Variants in SGCZ observed in about 807,000 individuals in gnomAD.
SGCZ encodes sarcoglycan zeta.
Under a neutral mutation model 41.3 loss-of-function variants are expected in SGCZ, and 40 were observed. That is an observed-to-expected ratio of 0.97 (90% confidence interval 0.75 to 1.26). SGCZ has a LOEUF of 1.26. SGCZ is among the 50% of genes most tolerant of loss of function. SGCZ has a pLI of 0.00. For synonymous variants in SGCZ, 206 were observed against 137.5 expected, an observed-to-expected ratio of 1.50 and a Z score of -3.49; for missense variants, 552 against 369.8, an observed-to-expected ratio of 1.49 and a Z score of -4.04.
At chr8:15,222,609 C>T (rs754726686) in intron 1 of SGCZ, among the ~76,000 whole-genome samples, 3 of 152,176 alleles carry the variant, frequency 2.0e-5, no homozygotes, top group Non-Finnish European at 4.4e-5. Flanking sequence ...TTAGCACCTT[C>T]ATTTTGCATT....
intron 2 of SGCZ, among the ~76,000 whole-genome samples, chr8:14,464,778 C>G (rs1055112535): frequency 4.6e-5 from 7 of 151,276 alleles, no homozygotes; most frequent in Non-Finnish European, 1.0e-4. Flanking sequence ...TTAAGTTTTG[C>G]TATATTTCTA....
chr8:14,290,479 C>G (rs11203592), intron 3 of SGCZ, among the ~76,000 whole-genome samples: 32,437 of 151,952 alleles, frequency 0.21, 3,661 homozygotes, highest in East Asian at 0.29. Context: ...GAAACTCAAA[C>G]AACTCAATAA....
intron 1 of SGCZ, among the ~76,000 whole-genome samples, chr8:14,762,532 G>A (rs964072410): frequency 9.2e-5 from 14 of 152,202 alleles, no homozygotes; most frequent in East Asian, 3.9e-4. Flanking sequence ...GAATGAATAG[G>A]GAGGTTTATT....
At chr8:14,340,764 C>G (rs948697377) in intron 2 of SGCZ, among the ~76,000 whole-genome samples, 2 of 152,014 alleles carry the variant, frequency 1.3e-5, no homozygotes, top group Non-Finnish European at 2.9e-5. Context: ...AGGTAACATG[C>G]TTTTTTATTG....
At chr8:14,494,515 A>T (rs1801933874) in intron 2 of SGCZ, among the ~76,000 whole-genome samples, 1 of 152,134 alleles carries the variant, frequency 6.6e-6, no homozygotes, top group South Asian at 2.1e-4. Context: ...ACATACACAC[A>T]TGCACACACA....
intron 2 of SGCZ, among the ~76,000 whole-genome samples, chr8:14,376,730 GA>G (rs1415463235): frequency 6.6e-6 from 1 of 152,000 alleles, no homozygotes; most frequent in Non-Finnish European, 1.5e-5. Context: ...CATAAAAGAA[GA>G]AAATTACCAA....
At chr8:14,668,936 ATGTGTG>A (rs10585789) in intron 1 of SGCZ, among the ~76,000 whole-genome samples, 1 of 151,030 alleles carries the variant, frequency 6.6e-6, no homozygotes, top group African/African-American at 2.4e-5. Flanking sequence ...GTGTGTGTGT[ATGTGTG>A]TGTGTGTTTG....
chr8:15,023,356 A>G (rs1260054992), intron 1 of SGCZ, among the ~76,000 whole-genome samples: 11 of 152,140 alleles, frequency 7.2e-5, no homozygotes, highest in Admixed American at 7.2e-4. Context: ...CAAGCAGGTG[A>G]AATGTGATGC....
intron 2 of SGCZ, among the ~76,000 whole-genome samples, chr8:14,550,776 TA>T (rs1268000343): frequency 6.6e-6 from 1 of 151,990 alleles, no homozygotes; most frequent in Non-Finnish European, 1.5e-5. Context: ...CATATTGCCA[TA>T]AAAAATTACC....
intron 2 of SGCZ, among the ~76,000 whole-genome samples, chr8:14,347,726 T>C (rs1688961773): frequency 6.6e-6 from 1 of 152,030 alleles, no homozygotes; most frequent in Admixed American, 6.6e-5. Context: ...TTACCATATG[T>C]CACGTATGTA....
intron 1 of SGCZ, among the ~76,000 whole-genome samples, chr8:14,592,824 T>C (rs757156102): frequency 1.3e-5 from 2 of 152,144 alleles, no homozygotes; most frequent in Non-Finnish European, 2.9e-5. Flanking sequence ...CTCTTAGCAG[T>C]GTTCAGAGTT....
chr8:14,866,780 G>C (rs551949165), intron 1 of SGCZ, among the ~76,000 whole-genome samples: 1 of 151,888 alleles, frequency 6.6e-6, no homozygotes, highest in Non-Finnish European at 1.5e-5. Context: ...GAAAACACAC[G>C]GAGACCCTGT....
chr8:14,992,097 A>G (rs1425070265), intron 1 of SGCZ, among the ~76,000 whole-genome samples: 2 of 147,208 alleles, frequency 1.4e-5, no homozygotes, highest in Non-Finnish European at 1.5e-5. Flanking sequence ...TCCTCATCCA[A>G]TCTACTCCCA....
At chr8:15,190,570 C>A (rs1428228157) in intron 1 of SGCZ, among the ~76,000 whole-genome samples, 7 of 152,030 alleles carry the variant, frequency 4.6e-5, no homozygotes, top group Admixed American at 1.3e-4. Context: ...AGTCAGAGTT[C>A]TTTCAGCACG....
intron 1 of SGCZ, among the ~76,000 whole-genome samples, chr8:15,201,559 G>T (rs1363032024): frequency 6.6e-6 from 1 of 152,194 alleles, no homozygotes. Context: ...TGCTGTCACT[G>T]TTGGAACCAT....
chr8:14,488,084 G>T (rs1179358514), intron 2 of SGCZ, among the ~76,000 whole-genome samples: 1 of 152,248 alleles, frequency 6.6e-6, no homozygotes, highest in African/African-American at 2.4e-5. Context: ...GACTTTTGGT[G>T]GCTTCTCCAG....
In SGCZ at chr8:15,181,236, G is replaced by C. The variant is rs116074363; in HGVS notation, c.39+56349C>G. ...AAGTGAAAATATTAACTTGAAAATA[G>C]TTTTTTATACAAATTAGAATAAAGA... On this transcript the variant is annotated intron_variant, in intron 1 of 7. Coordinates refer to ENST00000382080, the MANE Select transcript of SGCZ (RefSeq NM_139167.4). Among the ~76,000 whole-genome samples, 1,305 of 152,134 alleles carry C rather than the reference G, an allele frequency of 8.6e-3. 20 individuals carry two copies. The highest frequency in any genetic ancestry group is 0.03 in the African/African-American group (1,253 of 41,496).
At chr8:14,824,150 T>C (rs1802209805) in intron 1 of SGCZ, among the ~76,000 whole-genome samples, 1 of 151,964 alleles carries the variant, frequency 6.6e-6, no homozygotes, top group Non-Finnish European at 1.5e-5. Flanking sequence ...GACTTACAAA[T>C]GGGTTGAAGG....
chr8:14,933,430 T>TC (rs1554524100), intron 1 of SGCZ, among the ~76,000 whole-genome samples: 1 of 99,960 alleles, frequency 1.0e-5, no homozygotes, highest in East Asian at 2.9e-4. Context: ...ACTTTTTTTT[T>TC]CTTTTTTTTT....
Sources: gnomAD v4.1 joint callset for allele counts (sites outside exome capture counted in the v4.1 genomes callset) on GRCh38, gnomAD v4.1.1 for gene constraint, MANE v1.5 for transcripts, NCBI Gene and HGNC (gene_info 2026-07-23, HGNC 2026-07-21) for gene names.